Variants in FAM83B observed in about 807,000 individuals in gnomAD.
The protein encoded by FAM83B is scaffolding CK1 anchoring protein B.
A neutral mutation model predicts 38.8 loss-of-function variants in FAM83B; 26 were observed. The ratio of observed to expected loss-of-function variants is 0.67; its 90% CI spans 0.49 to 0.93. The LOEUF is 0.93. FAM83B is among the 40% of genes least tolerant of loss of function. The pLI is 0.00. For missense variants in FAM83B, 1,237 were observed against 1,197.3 expected, an observed-to-expected ratio of 1.03 and a Z score of -0.49; for synonymous variants, 419 against 423.1, an observed-to-expected ratio of 0.99 and a Z score of 0.12.
chr6:54,880,441 CTTTTTTTTTTTTT>C (rs1180941250), intron 2 of FAM83B, among the ~76,000 whole-genome samples: 2 of 106,216 alleles, frequency 1.9e-5, no homozygotes, highest in Non-Finnish European at 3.6e-5. Flanking sequence ...TAGAAGGTTT[CTTTTTTTTTTTTT>C]TTTTTTTTGA....
intron 1 of FAM83B, among the ~76,000 whole-genome samples, chr6:54,859,207 A>G (rs1203297833): frequency 6.6e-6 from 1 of 151,794 alleles, no homozygotes; most frequent in Non-Finnish European, 1.5e-5. Context: ...GATTACAGGT[A>G]CCCACCACCA....
intron 1 of FAM83B, among the ~76,000 whole-genome samples, chr6:54,863,139 A>C (rs1282857427): frequency 6.6e-6 from 1 of 152,160 alleles, no homozygotes; most frequent in African/African-American, 2.4e-5. Context: ...ACATGAAGAA[A>C]GTCTCAGAAA....
At chr6:54,853,426 G>A (rs1771360704) in intron 1 of FAM83B, among the ~76,000 whole-genome samples, 1 of 152,152 alleles carries the variant, frequency 6.6e-6, no homozygotes. Flanking sequence ...TCAAAGGATA[G>A]GCTGACTGAC....
intron 2 of FAM83B, among the ~76,000 whole-genome samples, chr6:54,904,884 G>C (rs1323134189): frequency 6.6e-6 from 1 of 152,152 alleles, no homozygotes; most frequent in Non-Finnish European, 1.5e-5. Context: ...AGCAGGGAAA[G>C]AGGAAGAAAG....
At chr6:54,918,865 A>G (rs535359635) in intron 2 of FAM83B, among the ~76,000 whole-genome samples, 211 of 152,164 alleles carry the variant, frequency 1.4e-3, no homozygotes, top group Non-Finnish European at 2.3e-3. Context: ...ATCCCCTCAA[A>G]TGGTGTAACT....
chr6:54,869,283 C>A (rs756017438), intron 1 of FAM83B, among the ~76,000 whole-genome samples: 1 of 152,162 alleles, frequency 6.6e-6, no homozygotes, highest in African/African-American at 2.4e-5. Flanking sequence ...TTCCTCACTG[C>A]GTTTTTGAAC....
At chr6:54,871,551 T>C (rs1213542128) in intron 2 of FAM83B, among the ~76,000 whole-genome samples, 1 of 105,298 alleles carries the variant, frequency 9.5e-6, no homozygotes, top group Non-Finnish European at 2.0e-5. Context: ...AAACCTCGTC[T>C]CTACAATAAT....
intron 2 of FAM83B, among the ~76,000 whole-genome samples, chr6:54,884,312 A>AAAAAG (rs1336584850): frequency 3.8e-4 from 57 of 149,824 alleles, no homozygotes; most frequent in Non-Finnish European, 7.9e-4. Flanking sequence ...AAAAAAAAAA[A>AAAAAG]AAAAAAGAGA....
intron 1 of FAM83B, among the ~76,000 whole-genome samples, chr6:54,859,736 T>A (rs1204748141): frequency 6.6e-6 from 1 of 152,206 alleles, no homozygotes; most frequent in Non-Finnish European, 1.5e-5. Context: ...ATTTTTTTCC[T>A]TTATGGGTCT....
chr6:54,876,277 GCATATATA>G (rs1239960897), intron 2 of FAM83B, among the ~76,000 whole-genome samples: 1 of 94,236 alleles, frequency 1.1e-5, no homozygotes, highest in African/African-American at 4.7e-5. Flanking sequence ...ATTTAGGAGT[GCATATATA>G]TATATATATA....
chr6:54,915,926 G>C (rs1480469145), intron 2 of FAM83B, among the ~76,000 whole-genome samples: 1 of 150,544 alleles, frequency 6.6e-6, no homozygotes, highest in East Asian at 2.0e-4. Flanking sequence ...TGACTATAAA[G>C]TTATGAATGG....
intron 2 of FAM83B, among the ~76,000 whole-genome samples, chr6:54,897,539 G>A (rs1207935809): frequency 6.6e-6 from 1 of 151,932 alleles, no homozygotes; most frequent in Non-Finnish European, 1.5e-5. Context: ...GCAGATGTCT[G>A]GAAAAAAGCA....
intron 1 of FAM83B, among the ~76,000 whole-genome samples, chr6:54,850,872 G>A (rs1278947975): frequency 6.6e-6 from 1 of 151,784 alleles, no homozygotes; most frequent in African/African-American, 2.4e-5. Context: ...TACAAAAATT[G>A]GCCAGGCGTG....
intron 4 of FAM83B, among the ~76,000 whole-genome samples, chr6:54,939,373 G>C (rs1345364255): frequency 6.6e-6 from 1 of 151,960 alleles, no homozygotes; most frequent in Non-Finnish European, 1.5e-5. Context: ...TAAATTTTGG[G>C]ATTGTTTCTT....
At chr6:54,923,373 A>T (rs1180560031) in intron 2 of FAM83B, among the ~76,000 whole-genome samples, 1 of 151,914 alleles carries the variant, frequency 6.6e-6, no homozygotes, top group African/African-American at 2.4e-5. Context: ...CAGCCACTCC[A>T]TATTATATAC....
chr6:54,853,507 A>C (rs1355573003), intron 1 of FAM83B, among the ~76,000 whole-genome samples: 1 of 152,128 alleles, frequency 6.6e-6, no homozygotes, highest in Non-Finnish European at 1.5e-5. Context: ...CAGAATGCCT[A>C]AGGTCTTCAA....
intron 2 of FAM83B, among the ~76,000 whole-genome samples, chr6:54,886,962 A>T (rs1228839264): frequency 6.6e-6 from 1 of 152,044 alleles, no homozygotes; most frequent in African/African-American, 2.4e-5. Context: ...TGGTTGCTGG[A>T]TTATTCAGAA....
chr6:54,870,610 G>T lies in FAM83B; in HGVS notation c.364G>T (p.Asp122Tyr). The change falls in exon 2 of 5, where the codon GAT becomes TAT. Residue 122 changes from aspartate to tyrosine, a missense_variant. Physicochemically the swap from Asp to Tyr is radical, Grantham distance 160. Coordinates refer to ENST00000306858, the MANE Select transcript of FAM83B (RefSeq NM_001010872.3). The stretch of plus-strand genomic sequence containing the variant: ...CGGACTCTTAGGGGGCACCCATATA[G>T]ATCTCCTTTTTCATCCACCAAGAGC... ...MPGLLGGTHIDLLFHPPRAHL... is the reference protein window; with the variant it reads ...MPGLLGGTHIYLLFHPPRAHL... 6.2e-7 allele frequency: 1 copy of T among 1,613,920 alleles called. No individual in the cohort carries two copies. Among genetic ancestry groups the T allele is most frequent in the Non-Finnish European group, 8.5e-7 (1 of 1,179,948 alleles).
rs1773621902 is a variant in FAM83B at position 54,939,962 on chromosome 6, A to G, written c.991A>G (p.Lys331Glu). ...NLFGRQDKIH[K>E]LDSSYFKNRG... ...TTTTGGTAGACAAGACAAGATTCAT[A>G]AACTAGATTCCAGTTACTTCAAAAA... The change falls in exon 5 of 5, where the codon AAA (lysine) becomes GAA (glutamate). Residue 331 changes from lysine to glutamate, a missense_variant. Lys to Glu is a moderately conservative substitution (Grantham distance 56). Transcript: ENST00000306858. 1 of 1,613,966 alleles carries G rather than the reference A, an allele frequency of 6.2e-7. No homozygotes were observed. The highest frequency in any genetic ancestry group is 1.7e-5 in the Admixed American group (1 of 59,960).
Sources: gnomAD v4.1 joint callset for allele counts (sites outside exome capture counted in the v4.1 genomes callset) on GRCh38, gnomAD v4.1.1 for gene constraint, MANE v1.5 for transcripts, NCBI Gene and HGNC (gene_info 2026-07-23, HGNC 2026-07-21) for gene names.